DLG2: variants seen among roughly 807,000 people sequenced by gnomAD.
The protein encoded by DLG2 is disks large homolog 2.
Under a neutral mutation model 132.5 loss-of-function variants are expected in DLG2, and 45 were observed. The observed-to-expected ratio is 0.34, with a 90% confidence interval of 0.27 to 0.44. DLG2 has a LOEUF of 0.44. Among genes scored for constraint, DLG2 ranks in the 20% least tolerant of loss-of-function variants. The pLI is 1.00. For missense variants in DLG2, 1,045 were observed against 1,196.9 expected, an observed-to-expected ratio of 0.87 and a Z score of 1.87; for synonymous variants, 424 against 419.6, an observed-to-expected ratio of 1.01 and a Z score of -0.13.
intron 6 of DLG2, among the ~76,000 whole-genome samples, chr11:84,756,466 TA>T (rs2066888529): frequency 6.6e-6 from 1 of 152,220 alleles, no homozygotes; most frequent in Non-Finnish European, 1.5e-5. Flanking sequence ...AGAAAAACTG[TA>T]AGCAAACAGA....
chr11:83,868,594 C>T (rs1158821287), intron 16 of DLG2, among the ~76,000 whole-genome samples: 2 of 151,932 alleles, frequency 1.3e-5, no homozygotes, highest in Non-Finnish European at 2.9e-5. Context: ...TATTTTAATA[C>T]ATTCTAAAAA....
intron 6 of DLG2, chr11:84,687,371 A>C (rs933494111): frequency 3.9e-5 from 6 of 152,160 alleles, no homozygotes; most frequent in African/African-American, 1.2e-4. Flanking sequence ...CATAATGCCC[A>C]AAAAATCCTG....
chr11:84,535,263 C>G (rs939991313), intron 6 of DLG2, among the ~76,000 whole-genome samples: 4 of 152,182 alleles, frequency 2.6e-5, no homozygotes, highest in Non-Finnish European at 4.4e-5. Flanking sequence ...AAAGAGAAGA[C>G]AAGCTTATCT....
chr11:83,760,357 T>A (rs2093845495), intron 18 of DLG2, among the ~76,000 whole-genome samples: 1 of 152,336 alleles, frequency 6.6e-6, no homozygotes, highest in Non-Finnish European at 1.5e-5. Flanking sequence ...ATCACTTAGC[T>A]GCATAGTGCA....
chr11:83,980,478 C>T, intron 12 of DLG2, 28 bp downstream of exon 12: 5 of 1,598,566 alleles, frequency 3.1e-6, no homozygotes, highest in Non-Finnish European at 4.3e-6. Flanking sequence ...TATAAATATA[C>T]ACACAGTTTT....
intron 8 of DLG2, among the ~76,000 whole-genome samples, chr11:84,182,704 A>G (rs1256789090): frequency 3.3e-5 from 5 of 152,168 alleles, no homozygotes; most frequent in African/African-American, 1.2e-4. Flanking sequence ...TAGAAAAGGA[A>G]GGGCAAATTA....
intron 6 of DLG2, among the ~76,000 whole-genome samples, chr11:85,100,523 C>T (rs1424421583): frequency 1.3e-5 from 2 of 152,114 alleles, no homozygotes; most frequent in South Asian, 2.1e-4. Context: ...CAATGCAATA[C>T]GCCCTTAAGT....
intron 3 of DLG2, among the ~76,000 whole-genome samples, chr11:85,352,187 T>G (rs112952305): frequency 0.031 from 4,695 of 152,364 alleles, 99 homozygotes; most frequent in Non-Finnish European, 0.048. Flanking sequence ...ATTTTCTAGT[T>G]TATTTGCATA....
chr11:84,090,179 C>T lies in DLG2; in HGVS notation c.749+8744G>A, dbSNP rs370719665. On this transcript the variant is annotated intron_variant, in intron 10 of 27. Transcript: ENST00000376104. The stretch of plus-strand genomic sequence containing the variant: ...CTGTAATCCTAGCACTTTGGGAGGC[C>T]GAGGCAGGTAGATTGCCTGAGGTCA... 3.3e-3 allele frequency among the ~76,000 whole-genome samples: 505 copies of T among 152,042 alleles called. 4 individuals are homozygous for T. Among genetic ancestry groups the T allele is most frequent in the Middle Eastern group, 6.8e-3 (2 of 294 alleles).
chr11:84,863,237 T>C (rs1251962700), intron 6 of DLG2, among the ~76,000 whole-genome samples: 1 of 152,124 alleles, frequency 6.6e-6, no homozygotes. Flanking sequence ...TCCAGTTTCA[T>C]TCTTCTAATA....
rs991595930 is a variant in DLG2, at chr11:84,002,517, G to A, written c.920-21875C>T. On this transcript the variant is annotated intron_variant, in intron 11 of 27. Transcript: ENST00000376104. ...TGGAGGTTCCTAAACTTCAGTTCTT[G>A]ACATCTGTGTACCCACAGGCTCAAC... Among the ~76,000 whole-genome samples, 4 of 152,124 alleles carry A rather than the reference G, an allele frequency of 2.6e-5. No individual in the cohort carries two copies. In the South Asian group the frequency reaches 8.3e-4, roughly 32 times the overall value.
chr11:84,044,077 G>T (rs1192844771), intron 11 of DLG2, among the ~76,000 whole-genome samples: 2 of 151,496 alleles, frequency 1.3e-5, no homozygotes, highest in Non-Finnish European at 2.9e-5. Context: ...ATCACACAGG[G>T]TTAATAGCAT....
At chr11:85,403,929 G>T (rs1000799) in intron 3 of DLG2, among the ~76,000 whole-genome samples, 15,928 of 152,006 alleles carry the variant, frequency 0.1, 982 homozygotes, top group African/African-American at 0.16. Flanking sequence ...AATGTAGAAG[G>T]GACAAGATTT....
chr11:85,056,597 A>G (rs141416493), intron 6 of DLG2, among the ~76,000 whole-genome samples: 108 of 152,176 alleles, frequency 7.1e-4, no homozygotes, highest in African/African-American at 2.4e-3. Context: ...ATGATGTATA[A>G]TGATCAGTAC....
intron 19 of DLG2, among the ~76,000 whole-genome samples, chr11:83,574,057 C>A (rs1297320021): frequency 1.3e-5 from 2 of 152,106 alleles, no homozygotes; most frequent in African/African-American, 4.8e-5. Flanking sequence ...CAGAGCCTGG[C>A]ACATAATAAG....
At position 83,873,716 on chromosome 11, in the gene DLG2, T is replaced by C. The variant is rs577382955; in HGVS notation, c.1565+704A>G. On this transcript the variant is annotated intron_variant, in intron 16 of 27. Transcript: ENST00000376104. Reference sequence around the variant, plus strand: ...CCAATAAGCACTCAGTAAATGTTAGTTTTTTTTCTTCCCTTGGAGGAATAT... The same window carrying C: ...CCAATAAGCACTCAGTAAATGTTAGCTTTTTTTCTTCCCTTGGAGGAATAT... 1.1e-3 allele frequency among the ~76,000 whole-genome samples: 161 copies of C among 152,158 alleles called. 2 individuals carry two copies. Among genetic ancestry groups the C allele is most frequent in the African/African-American group, 3.7e-3 (154 of 41,516 alleles).
chr11:84,385,818 T>C (rs142670206), intron 7 of DLG2, among the ~76,000 whole-genome samples: 1 of 152,154 alleles, frequency 6.6e-6, no homozygotes, highest in African/African-American at 2.4e-5. Context: ...AAATGAACAA[T>C]AAAGAGACCT....
At chr11:83,842,467 A>G (rs1258294380) in intron 16 of DLG2, among the ~76,000 whole-genome samples, 6 of 137,028 alleles carry the variant, frequency 4.4e-5, no homozygotes, top group African/African-American at 1.7e-4. Flanking sequence ...GGTAGCGTGC[A>G]CCTGTAGTCC....
intron 6 of DLG2, among the ~76,000 whole-genome samples, chr11:84,831,300 C>A (rs1224926845): frequency 6.6e-6 from 1 of 151,496 alleles, no homozygotes; most frequent in Non-Finnish European, 1.5e-5. Flanking sequence ...GTTTCTATGT[C>A]ATCTCTTACG....
Sources: gnomAD v4.1 joint callset for allele counts (sites outside exome capture counted in the v4.1 genomes callset) on GRCh38, gnomAD v4.1.1 for gene constraint, MANE v1.5 for transcripts, NCBI Gene and HGNC (gene_info 2026-07-23, HGNC 2026-07-21) for gene names.